The following NFASC variants were observed in gnomAD, a reference collection of about 807,000 sequenced individuals.
NFASC encodes the protein neurofascin homolog.
In NFASC, 43 loss-of-function variants were observed where a neutral mutation model predicts 147.5. The observed-to-expected ratio is 0.29, with a 90% CI of 0.23 to 0.38. The LOEUF (loss-of-function observed/expected upper bound fraction) is 0.38, where lower values mean the gene tolerates loss of function less well. NFASC is among the 10% of genes least tolerant of loss of function. The pLI is 1.00. For synonymous variants in NFASC, 622 were observed against 665.5 expected (o/e 0.93, Z 1.01); for missense variants, 1,320 against 1,689.0 (o/e 0.78, Z 3.83).
At chr1:204,871,983 G>T (rs1395588822) in intron 1 of NFASC, among the ~76,000 whole-genome samples, 1 of 152,210 alleles carries the variant, frequency 6.6e-6, no homozygotes. Context: ...TTGTCCTTTG[G>T]GTACAGGGCT....
intron 1 of NFASC, among the ~76,000 whole-genome samples, chr1:204,875,421 G>C (rs901864278): frequency 2.0e-5 from 3 of 152,196 alleles, no homozygotes; most frequent in African/African-American, 7.2e-5. Flanking sequence ...AGTCACATGT[G>C]CCTAAGAGGT....
intron 1 of NFASC, among the ~76,000 whole-genome samples, chr1:204,844,018 A>G (rs1308516258): frequency 1.3e-5 from 2 of 152,146 alleles, no homozygotes; most frequent in East Asian, 3.9e-4. Context: ...GATTACAGGC[A>G]TGAGCCACTG....
At chr1:204,892,954 T>C (rs1254367344) in intron 1 of NFASC, among the ~76,000 whole-genome samples, 5 of 152,222 alleles carry the variant, frequency 3.3e-5, no homozygotes, top group African/African-American at 4.8e-5. Context: ...AACTGTACCA[T>C]GTGTCTTGCA....
chr1:204,910,824 A>AT (rs11420522), intron 1 of NFASC, among the ~76,000 whole-genome samples: 66,637 of 150,924 alleles, frequency 0.44, 15,120 homozygotes, highest in Admixed American at 0.55. Flanking sequence ...GTTCCAAGAG[A>AT]TTTTTTTTTA....
intron 16 of NFASC, 131 bp from the exon 17 acceptor site, chr1:204,977,550 G>A: frequency 1.4e-6 from 1 of 695,652 alleles, no homozygotes. Context: ...TGGAAGGACG[G>A]GGACAGCCCT....
intron 1 of NFASC, among the ~76,000 whole-genome samples, chr1:204,875,284 C>T (rs1423569794): frequency 1.3e-5 from 2 of 152,170 alleles, no homozygotes; most frequent in East Asian, 3.9e-4. Context: ...GCCCTTCTCT[C>T]ATAAAGAGGC....
At chr1:204,871,072 T>A in intron 1 of NFASC, 3 of 1,289,538 alleles carry the variant, frequency 2.3e-6, no homozygotes, top group Non-Finnish European at 3.0e-6. Flanking sequence ...AGGAGAGAGG[T>A]AGGATGGTCA....
At chr1:204,903,697 G>T (rs1355095976) in intron 1 of NFASC, among the ~76,000 whole-genome samples, 1 of 152,176 alleles carries the variant, frequency 6.6e-6, no homozygotes, top group East Asian at 1.9e-4. Flanking sequence ...CATGTCTCTG[G>T]CCAGGTCATG....
Position 204,952,947 on chromosome 1 carries a change from C to T in NFASC, c.215+831C>T, listed in dbSNP as rs146124390. 3.5e-3 allele frequency among the ~76,000 whole-genome samples: 539 copies of T among 152,322 alleles called. 7 individuals carry two copies. The highest frequency in any genetic ancestry group is 0.012 in the African/African-American group (506 of 41,578). ...TGGGTTCACACAAGACAGTCTCAAA[C>T]CCAGAGCTCTGAGCCTGGGAACCAG... On this transcript the variant is annotated intron_variant, in intron 5 of 29. Transcript: ENST00000339876.
chr1:204,948,385 C>T (rs1250301144), intron 3 of NFASC, among the ~76,000 whole-genome samples: 2 of 152,194 alleles, frequency 1.3e-5, no homozygotes, highest in Non-Finnish European at 2.9e-5. Flanking sequence ...TCCCTATAGT[C>T]AAGTAGATTC....
Position 204,987,583 on chromosome 1 carries a change from A to G in NFASC, c.2593+43A>G. The G allele has an allele frequency of 6.2e-7, 1 of 1,611,046 alleles. No homozygotes were observed. ...CTTTCTCTTAGATAATCTGGGAACC[A>G]GAAACCCCATTCTCACCACTTTTCC... On this transcript the variant is annotated intron_variant, in intron 22 of 29. Coordinates refer to ENST00000339876, the MANE Select transcript of NFASC (RefSeq NM_001005388.3). The surrounding 1 kb of genome is among the most constrained non-coding windows in gnomAD (Gnocchi z 4.4).
chr1:204,849,374 TA>T (rs1231935064), intron 1 of NFASC, among the ~76,000 whole-genome samples: 2 of 152,194 alleles, frequency 1.3e-5, no homozygotes, highest in African/African-American at 4.8e-5. Flanking sequence ...CAAGAGACGT[TA>T]AAAACAGTCT....
Position 204,957,694 on chromosome 1 carries a change from G to T in NFASC, c.574G>T (p.Gly192Cys), listed in dbSNP as rs550762970. The change falls in exon 8 of 30, where the codon GGC becomes TGC. Residue 192 changes from glycine (G) to cysteine (C), a missense_variant. Gly to Cys is a radical substitution (Grantham distance 159). Transcript: ENST00000339876. ...PITQDKRVSQ[G>C]HNGDLYFSNV... ...CACCCAAGACAAACGTGTCTCTCAG[G>T]GCCATAACGGAGACCTATACTTCTC... The T allele has an allele frequency of 1.2e-6, 2 of 1,613,960 alleles. No individual in the cohort carries two copies. The highest frequency in any genetic ancestry group is 1.7e-6 in the Non-Finnish European group (2 of 1,180,018).
chr1:204,969,888 CA>C (rs1312346654), intron 10 of NFASC, among the ~76,000 whole-genome samples: 2 of 151,138 alleles, frequency 1.3e-5, no homozygotes, highest in East Asian at 1.9e-4. Flanking sequence ...CCATCCTGGC[CA>C]AAATGATGAA....
intron 1 of NFASC, among the ~76,000 whole-genome samples, chr1:204,855,176 T>G (rs1033002610): frequency 6.6e-6 from 1 of 152,244 alleles, no homozygotes; most frequent in Admixed American, 6.5e-5. Context: ...GCTGCATTAG[T>G]GTAGATAGAG....
Position 204,987,678 on chromosome 1 carries a change from G to T in NFASC, c.2593+138G>T, listed in dbSNP as rs2095643959. On this transcript the variant is annotated intron_variant, in intron 22 of 29. Coordinates refer to ENST00000339876, the MANE Select transcript of NFASC (RefSeq NM_001005388.3). The surrounding 1 kb of genome is among the most constrained non-coding windows in gnomAD (Gnocchi z 4.4). ...GAGGGATGGAGGGGCCAACGAAACA[G>T]TTCCCAATAGGATTAGGGGAGGCAG... 2 of 931,002 alleles carry T rather than the reference G, an allele frequency of 2.1e-6. No homozygotes were observed. Among genetic ancestry groups the T allele is most frequent in the Non-Finnish European group, 3.3e-6 (2 of 599,736 alleles). The allele number at this position is 931,002 out of a possible 1,614,324, so 57.7% of individuals were successfully genotyped here. A position where few individuals can be genotyped will look rare whatever the true frequency, so the allele number is the denominator to read the frequency against.
intron 1 of NFASC, among the ~76,000 whole-genome samples, chr1:204,891,574 G>A (rs907231971): frequency 2.0e-5 from 3 of 152,174 alleles, no homozygotes; most frequent in Non-Finnish European, 2.9e-5. Context: ...GGTAGCTCTT[G>A]CAGAGATAGT....
In NFASC at chr1:204,909,507, C is replaced by T. The variant is rs754460703; in HGVS notation, c.-199-11125C>T. Among the ~76,000 whole-genome samples the T allele has an allele frequency of 8.5e-5, 13 of 152,280 alleles. 1 individual carries two copies. The highest frequency in any genetic ancestry group is 3.4e-3 in the Middle Eastern group (1 of 294). ...TTCACATATTCTAGAACTAGTTCTT[C>T]GTCATATGTGTGGTTTCTCCCACTC... On this transcript the variant is annotated intron_variant, in intron 1 of 29. Coordinates refer to ENST00000339876, the MANE Select transcript of NFASC (RefSeq NM_001005388.3).
chr1:205,002,250 A>T (rs971461237), intron 26 of NFASC, among the ~76,000 whole-genome samples: 3 of 152,234 alleles, frequency 2.0e-5, no homozygotes, highest in African/African-American at 7.2e-5. Context: ...AGCCAGATCC[A>T]TGTGAAAAGT....
Sources: allele counts gnomAD v4.1 joint callset (sites outside exome capture counted in the v4.1 genomes callset), GRCh38; gene constraint gnomAD v4.1.1; non-coding constraint Gnocchi (gnomAD v3.1); transcripts MANE v1.5; gene names NCBI Gene and HGNC (gene_info 2026-07-23, HGNC 2026-07-21).